Variants in MYO7A observed in about 807,000 individuals in gnomAD.
The protein encoded by MYO7A is myosin VIIA, also known as unconventional myosin-VIIa.
MYO7A carries 210 observed loss-of-function variants against 263.8 expected under a neutral mutation model. That is an observed-to-expected ratio of 0.80 (90% CI 0.71 to 0.89). The LOEUF (loss-of-function observed/expected upper bound fraction) is 0.89, where lower values mean the gene tolerates loss of function less well. Ranked by LOEUF, MYO7A falls within the 40% of genes least tolerant of loss-of-function variation. The pLI is 0.00. For synonymous variants in MYO7A, 1,239 were observed against 1,197.3 expected (o/e 1.03, Z -0.72); for missense variants, 2,820 against 2,968.3 (o/e 0.95, Z 1.16).
Position 77,157,411 on chromosome 11 carries a change from C to T in MYO7A, c.849+19C>T. The T allele has an allele frequency of 6.4e-7, 1 of 1,566,470 alleles. No homozygotes were observed. The highest frequency in any genetic ancestry group is 8.7e-7 in the Non-Finnish European group (1 of 1,148,478). ...GGCCATGGTGAGGCCCAGGTGGGCC[C>T]CTGGGTAGGGGGGCACCCACCCTAG... On this transcript the variant is annotated intron_variant, in intron 8 of 48. Coordinates refer to ENST00000409709, the MANE Select transcript of MYO7A (RefSeq NM_000260.4).
Position 77,183,066 on chromosome 11 carries a change from A to G in MYO7A, c.3286-2A>G. On this transcript the variant is annotated splice_acceptor_variant, in intron 25 of 48. Transcript: ENST00000409709. LOFTEE classifies it high-confidence loss of function. Reference sequence around the variant, plus strand: ...TGACCCTGATCCCTGCTGGTCCTGCAGGCCCAGCTCCCCGAGGGCCAGAAG... The same window carrying G: ...TGACCCTGATCCCTGCTGGTCCTGCGGGCCCAGCTCCCCGAGGGCCAGAAG... The G allele has an allele frequency of 6.4e-7, 1 of 1,550,966 alleles. No individual in the cohort carries two copies. Among genetic ancestry groups the G allele is most frequent in the Non-Finnish European group, 8.7e-7 (1 of 1,146,914 alleles).
chr11:77,190,988 CT>C (rs1307235482), intron 30 of MYO7A, 118 bp downstream of exon 30: 5 of 1,191,472 alleles, frequency 4.2e-6, no homozygotes, highest in Non-Finnish European at 5.8e-6. Flanking sequence ...CGGTTTCCCC[CT>C]GAGCCTGTGC....
rs1955397176 is a variant in MYO7A at position 77,183,157 on chromosome 11, G to T, written c.3375G>T (p.Glu1125Asp). ...AAAAGAAGTCCAAGCTCACAGAGGA[G>T]GTGAGGGCAGACGCTGGGGGTCTGG... ...TLKKKSKLTE[E>D]VTKRLHDGES... The change falls in exon 26 of 49, where the codon GAG becomes GAT. Residue 1125 changes from glutamate (E) to aspartate (D), a missense_variant and splice_region_variant. Physicochemically the swap from Glu to Asp is conservative, Grantham distance 45. Transcript: ENST00000409709. 2.6e-6 allele frequency: 4 copies of T among 1,551,470 alleles called. No homozygotes were observed.
chr11:77,192,934 T>TGGTGGAGGTA (rs1956241538), intron 31 of MYO7A, among the ~76,000 whole-genome samples: 6 of 3,476 alleles, frequency 1.7e-3, no homozygotes, highest in African/African-American at 4.6e-3. Context: ...TGGTGTTGTT[T>TGGTGGAGGTA]GTGATGGTGG....
At position 77,160,387 on chromosome 11, in the gene MYO7A, C is replaced by G. The variant is rs1001063656; in HGVS notation, c.1200+105C>G. ...CTGGGAGGTGGGTAGACATCTGGGT[C>G]GCCACCCCTGCCTGCCCCGGGGCTG... On this transcript the variant is annotated intron_variant, in intron 11 of 48. Transcript: ENST00000409709. 9.7e-6 allele frequency: 14 copies of G among 1,442,170 alleles called. No individual in the cohort carries two copies. In the African/African-American group the frequency reaches 1.5e-4, roughly 16 times the overall value. The allele number at this position is 1,442,170 out of a possible 1,614,324, so 89.3% of individuals were successfully genotyped here.
At chr11:77,209,031 C>G in intron 44 of MYO7A, 1 of 567,100 alleles carries the variant, frequency 1.8e-6, no homozygotes, top group Non-Finnish European at 3.2e-6. Flanking sequence ...CTCTGAGCTT[C>G]CGATCCCTAC....
At position 77,201,576 on chromosome 11, in the gene MYO7A, G is replaced by A. The variant is rs1357139311; in HGVS notation, c.4981G>A (p.Asp1661Asn). 1 of 1,613,802 alleles carries A rather than the reference G, an allele frequency of 6.2e-7. No homozygotes were observed. Among genetic ancestry groups the A allele is most frequent in the East Asian group, 2.2e-5 (1 of 44,866 alleles). The change falls in exon 36 of 49, where the codon GAC becomes AAC. Residue 1661 changes from aspartate to asparagine, a missense_variant. Coordinates refer to ENST00000409709, the MANE Select transcript of MYO7A (RefSeq NM_000260.4). ...GINERTKQRG[D>N]FPTDSVYVMP... ...CAATGAGAGGACCAAGCAGCGTGGG[G>A]ACTTCCCCACCGACAGTGTGTACGT...
intron 4 of MYO7A, among the ~76,000 whole-genome samples, chr11:77,149,970 C>T (rs979613550): frequency 2.0e-5 from 3 of 152,202 alleles, no homozygotes; most frequent in African/African-American, 7.2e-5. Flanking sequence ...CCCCCTCTTC[C>T]TCTCCCTGGA....
intron 15 of MYO7A, among the ~76,000 whole-genome samples, chr11:77,171,213 G>A (rs1470927893): frequency 3.3e-5 from 5 of 152,214 alleles, no homozygotes; most frequent in South Asian, 4.1e-4. Context: ...TCCTAGTGGC[G>A]TGTGTATGTG....
chr11:77,170,501 G>A (rs754882355), intron 15 of MYO7A, among the ~76,000 whole-genome samples: 13 of 152,188 alleles, frequency 8.5e-5, no homozygotes, highest in Non-Finnish European at 1.9e-4. Context: ...GTGAATCAAG[G>A]AGGCGGTGGA....
At chr11:77,209,681 C>T (rs1432012248) in intron 44 of MYO7A, among the ~76,000 whole-genome samples, 2 of 152,184 alleles carry the variant, frequency 1.3e-5, no homozygotes, top group African/African-American at 4.8e-5. Flanking sequence ...TCCCCCATGT[C>T]TCTCCATCAC....
intron 4 of MYO7A, among the ~76,000 whole-genome samples, chr11:77,153,397 G>A (rs548702558): frequency 6.6e-6 from 1 of 152,266 alleles, no homozygotes; most frequent in East Asian, 1.9e-4. Context: ...CATTGAGTAG[G>A]GACATCAGGA....
At position 77,160,215 on chromosome 11, in the gene MYO7A, G is replaced by T. The variant is rs397516282; in HGVS notation, c.1133G>T (p.Arg378Leu). Reference protein sequence around the residue: ...SCLTSRTLITRGETVSTPLSR... With the variant: ...SCLTSRTLITLGETVSTPLSR... ...CTGACTAGCCGCACCCTCATCACCC[G>T]CGGGGAGACGGTGTCCACCCCACTG... Residue 378 changes from arginine (R) to leucine (L), a missense_variant, in exon 11 of 49, where the codon CGC becomes CTC. Coordinates refer to ENST00000409709, the MANE Select transcript of MYO7A (RefSeq NM_000260.4). 1.3e-6 allele frequency: 2 copies of T among 1,581,594 alleles called. No homozygotes were observed. Among genetic ancestry groups the T allele is most frequent in the South Asian group, 1.2e-5 (1 of 85,922 alleles).
At chr11:77,130,789 G>A (rs1565291046) in intron 2 of MYO7A, 137 bp downstream of exon 2, 2 of 958,874 alleles carry the variant, frequency 2.1e-6, no homozygotes, top group Non-Finnish European at 3.2e-6. Flanking sequence ...CAGCCCTCCA[G>A]GCTGAGGCCT....
intron 3 of MYO7A, among the ~76,000 whole-genome samples, chr11:77,145,951 G>A (rs1236466498): frequency 2.0e-5 from 3 of 152,164 alleles, no homozygotes; most frequent in South Asian, 2.1e-4. Flanking sequence ...CTGGTCCCCC[G>A]CAGTCACCAG....
At chr11:77,180,262 T>TCTGCAAAATTATTTGG in intron 21 of MYO7A, 112 bp from the exon 22 acceptor site, 1 of 900,834 alleles carries the variant, frequency 1.1e-6, no homozygotes, top group Non-Finnish European at 1.8e-6. Context: ...ACTTGTCCTA[T>TCTGCAAAATTATTTGG]CAAAGTCATG....
At chr11:77,158,226 G>A (rs1362274184) in intron 8 of MYO7A, 51 bp from the exon 9 acceptor site, 8 of 1,515,732 alleles carry the variant, frequency 5.3e-6, no homozygotes, top group Non-Finnish European at 7.1e-6. Flanking sequence ...CTGCCCCTCT[G>A]GGGGTACACT....
chr11:77,180,545 G>T, intron 22 of MYO7A, 64 bp downstream of exon 22: 2 of 1,407,398 alleles, frequency 1.4e-6, no homozygotes, highest in Non-Finnish European at 2.0e-6. Flanking sequence ...CCCCGAGGCT[G>T]GCTTCTCATC....
chr11:77,187,471 G>C (rs1955730237), intron 27 of MYO7A, among the ~76,000 whole-genome samples: 1 of 152,214 alleles, frequency 6.6e-6, no homozygotes, highest in Non-Finnish European at 1.5e-5. Flanking sequence ...TGGTAGCTTT[G>C]ATCATCATCA....
Sources: allele counts gnomAD v4.1 joint callset (sites outside exome capture counted in the v4.1 genomes callset), GRCh38; gene constraint gnomAD v4.1.1; transcripts MANE v1.5; gene names NCBI Gene and HGNC (gene_info 2026-07-23, HGNC 2026-07-21).